Variants in SMARCA2 observed in about 807,000 individuals in gnomAD.
The protein encoded by SMARCA2 is SWI/SNF-related matrix-associated actin-dependent regulator of chromatin subfamily A member 2.
In SMARCA2, 61 loss-of-function variants were observed where a neutral mutation model predicts 199.8. That is an observed-to-expected ratio of 0.31 (90% CI 0.25 to 0.38). SMARCA2 has a LOEUF of 0.38. Among genes scored for constraint, SMARCA2 ranks in the 10% least tolerant of loss-of-function variants. SMARCA2 has a pLI of 1.00. For missense variants in SMARCA2, 1,344 were observed against 2,012.2 expected, an observed-to-expected ratio of 0.67 and a Z score of 6.35; for synonymous variants, 935 against 732.0, an observed-to-expected ratio of 1.28 and a Z score of -4.48.
chr9:2,182,308 A>G lies in SMARCA2; in HGVS notation c.4461+66A>G, dbSNP rs1827093744. 8 of 959,130 alleles carry G rather than the reference A, an allele frequency of 8.3e-6. No homozygotes were observed. The Admixed American group carries it at 1.1e-4, about 13-fold the overall frequency. The allele number at this position is 959,130 out of a possible 1,614,324, so 59.4% of individuals were successfully genotyped here. A position where few individuals can be genotyped will look rare whatever the true frequency, so the allele number is the denominator to read the frequency against. On this transcript the variant is annotated intron_variant, in intron 31 of 33. Coordinates refer to ENST00000349721, the MANE Select transcript of SMARCA2 (RefSeq NM_003070.5). ...TGTGCCCGTTGTTCTTTTTAAGTAG[A>G]ATATTTCATTTTCTACCTCTTGAAT...
At chr9:2,144,556 G>A (rs572004345) in intron 27 of SMARCA2, among the ~76,000 whole-genome samples, 1 of 152,290 alleles carries the variant, frequency 6.6e-6, no homozygotes, top group East Asian at 1.9e-4. Context: ...CCAGGAGGAG[G>A]GCTTAGATTC....
At chr9:2,087,747 G>T (rs1821862109) in intron 18 of SMARCA2, among the ~76,000 whole-genome samples, 1 of 152,150 alleles carries the variant, frequency 6.6e-6, no homozygotes, top group African/African-American at 2.4e-5. Flanking sequence ...CTCATTCATA[G>T]GAATGAAAAG....
intron 16 of SMARCA2, 114 bp downstream of exon 16, chr9:2,083,527 C>T (rs1392626378): frequency 1.9e-5 from 12 of 631,378 alleles, no homozygotes; most frequent in Admixed American, 8.4e-5. Flanking sequence ...TTGTCATGTA[C>T]ATCATGTACT....
chr9:2,078,959 T>TAAATAA (rs913340002), intron 14 of SMARCA2, among the ~76,000 whole-genome samples: 4 of 151,606 alleles, frequency 2.6e-5, no homozygotes, highest in Non-Finnish European at 5.9e-5. Flanking sequence ...AATAAATAAA[T>TAAATAA]AAATAAAAAT....
At chr9:2,191,451 C>A (rs1478412745) in intron 33 of SMARCA2, 43 bp downstream of exon 33, 9 of 1,606,734 alleles carry the variant, frequency 5.6e-6, no homozygotes, top group Admixed American at 5.1e-5. Context: ...ACGCCCTCTC[C>A]CCTGCTTGCT....
chr9:2,154,840 G>T (rs573265069), intron 27 of SMARCA2, among the ~76,000 whole-genome samples: 1 of 152,166 alleles, frequency 6.6e-6, no homozygotes, highest in African/African-American at 2.4e-5. Context: ...TTAATATACT[G>T]AGAACCTCGA....
chr9:2,046,368 A>G (rs1174063542), intron 4 of SMARCA2, among the ~76,000 whole-genome samples: 1 of 152,224 alleles, frequency 6.6e-6, no homozygotes, highest in African/African-American at 2.4e-5. Context: ...TTCAGATTAC[A>G]TATTGTTTTA....
intron 9 of SMARCA2, among the ~76,000 whole-genome samples, chr9:2,063,740 A>ATTT (rs78255618): frequency 9.4e-5 from 14 of 149,162 alleles, no homozygotes; most frequent in South Asian, 4.2e-4. Flanking sequence ...CTAGTGTACA[A>ATTT]TTTTTTTTTT....
At position 2,181,556 on chromosome 9, in the gene SMARCA2, T is replaced by G. The variant is rs766128982; in HGVS notation, c.4254-15T>G. 166 of 1,355,356 alleles carry G rather than the reference T, an allele frequency of 1.2e-4. No homozygotes were observed. In the East Asian group the frequency reaches 3.7e-3, roughly 30 times the overall value. 84.0% of individuals were successfully genotyped at this position (1,355,356 alleles called of 1,614,324 possible). On this transcript the variant is annotated splice_polypyrimidine_tract_variant and intron_variant, in intron 29 of 33. Coordinates refer to ENST00000349721, the MANE Select transcript of SMARCA2 (RefSeq NM_003070.5). The stretch of plus-strand genomic sequence containing the variant: ...TTGATGTGGCTTGTTTTTGTTTGTT[T>G]CACCCATCCTACAGTTCAGGGCGAC...
At chr9:2,051,813 T>C (rs1820131653) in intron 5 of SMARCA2, among the ~76,000 whole-genome samples, 3 of 151,530 alleles carry the variant, frequency 2.0e-5, no homozygotes, top group African/African-American at 7.4e-5. Context: ...TAAAGTTGTC[T>C]CAGTTTTATT....
At chr9:2,186,891 C>G (rs1472341118) in intron 32 of SMARCA2, among the ~76,000 whole-genome samples, 1 of 152,220 alleles carries the variant, frequency 6.6e-6, no homozygotes, top group African/African-American at 2.4e-5. Flanking sequence ...AACACTGCTG[C>G]TAATGCCACC....
At chr9:2,028,892 A>G (rs1220941923) in intron 1 of SMARCA2, 95 bp from the exon 2 acceptor site, 5 of 1,027,300 alleles carry the variant, frequency 4.9e-6, no homozygotes, top group Non-Finnish European at 5.8e-6. Flanking sequence ...GATGTTTGTT[A>G]CAGAAATGGC....
chr9:2,073,380 C>A (rs1386705528), intron 11 of SMARCA2, 38 bp downstream of exon 11: 1 of 1,611,034 alleles, frequency 6.2e-7, no homozygotes, highest in Admixed American at 1.7e-5. Context: ...GTTCTTTTAG[C>A]TTTTTAGATT....
At chr9:2,053,515 C>T (rs1445713343) in intron 5 of SMARCA2, among the ~76,000 whole-genome samples, 1 of 152,100 alleles carries the variant, frequency 6.6e-6, no homozygotes, top group East Asian at 1.9e-4. Context: ...TTTTCCTCAT[C>T]AGCAAAATGG....
intron 27 of SMARCA2, chr9:2,157,666 C>T: frequency 2.6e-6 from 1 of 379,774 alleles, no homozygotes; most frequent in Non-Finnish European, 4.7e-6. Context: ...GACTGTGCCA[C>T]ATGGCTTGGT....
intron 14 of SMARCA2, among the ~76,000 whole-genome samples, 169 bp downstream of exon 14, chr9:2,077,945 T>A (rs1400097587): frequency 2.0e-5 from 3 of 152,210 alleles, no homozygotes; most frequent in Non-Finnish European, 4.4e-5. Flanking sequence ...TTTAGAGTAC[T>A]CCATGTTACC....
In SMARCA2 at chr9:2,169,037, G is replaced by C. The variant is rs894840428; in HGVS notation, c.4200-1382G>C. 6.6e-6 allele frequency among the ~76,000 whole-genome samples: 1 copy of C among 152,082 alleles called. No homozygotes were observed. Among genetic ancestry groups the C allele is most frequent in the African/African-American group, 2.4e-5 (1 of 41,378 alleles). ...TCTACTTAAGCTTCTGTGTCTCCTT[G>C]GTCAGCACCATCATTAGCCCAAGGT... On this transcript the variant is annotated intron_variant, in intron 28 of 33. Transcript: ENST00000349721. This position sits in a 1 kb window ranked among gnomAD's most constrained non-coding sequence, Gnocchi z 6.5.
At chr9:2,095,565 A>G (rs1663864440) in intron 19 of SMARCA2, among the ~76,000 whole-genome samples, 1 of 152,216 alleles carries the variant, frequency 6.6e-6, no homozygotes, top group African/African-American at 2.4e-5. Flanking sequence ...GGTTACTTAC[A>G]CTTCTCACCT....
At chr9:2,177,339 A>AAGAT (rs1420856474) in intron 29 of SMARCA2, among the ~76,000 whole-genome samples, 3 of 152,328 alleles carry the variant, frequency 2.0e-5, no homozygotes, top group East Asian at 3.9e-4. Flanking sequence ...TAATTGAAGT[A>AAGAT]AGATAGTCAC....
Sources: gnomAD v4.1 joint callset for allele counts (sites outside exome capture counted in the v4.1 genomes callset) on GRCh38, gnomAD v4.1.1 for gene constraint, Gnocchi (gnomAD v3.1) non-coding constraint, MANE v1.5 for transcripts, NCBI Gene and HGNC (gene_info 2026-07-23, HGNC 2026-07-21) for gene names.